The following RCOR3 variants were observed in gnomAD, a reference collection of about 807,000 sequenced individuals.
RCOR3 encodes the protein REST corepressor 3.
Under a neutral mutation model 64.1 loss-of-function variants are expected in RCOR3, and 13 were observed. That is an observed-to-expected ratio of 0.20 (90% CI 0.13 to 0.32). RCOR3 has a LOEUF of 0.32. Ranked by LOEUF, RCOR3 falls within the 10% of genes least tolerant of loss-of-function variation. The pLI is 1.00. For synonymous variants in RCOR3, 215 were observed against 239.0 expected (o/e 0.90, Z 0.93); for missense variants, 489 against 701.2 (o/e 0.70, Z 3.42).
intron 10 of RCOR3, among the ~76,000 whole-genome samples, chr1:211,311,155 C>G (rs958916255): frequency 2.0e-5 from 3 of 152,114 alleles, no homozygotes; most frequent in Admixed American, 6.5e-5. Context: ...TCAGTGGAAT[C>G]TAGTCACTAT....
At position 211,278,135 on chromosome 1, in the gene RCOR3, G is replaced by A. The variant is rs1255784018; in HGVS notation, c.535G>A (p.Ala179Thr). 4 of 1,599,598 alleles carry A rather than the reference G, an allele frequency of 2.5e-6. No individual in the cohort carries two copies. In the South Asian group the frequency reaches 4.5e-5, roughly 18 times the overall value. ...IQQMLPDKTI[A>T]SLVKYYYSWK... ...TTTTAAGCTTCCAGATAAGACAATTGCAAGCCTTGTAAAATATTACTATTC... is the reference window on the plus strand; with the variant it reads ...TTTTAAGCTTCCAGATAAGACAATTACAAGCCTTGTAAAATATTACTATTC... The change falls in exon 6 of 12, where the codon GCA becomes ACA. Residue 179 changes from alanine to threonine, a missense_variant. Transcript: ENST00000419091.
At position 211,289,399 on chromosome 1, in the gene RCOR3, A is replaced by G. The variant is rs1698962083; in HGVS notation, c.939+3A>G. On this transcript the variant is annotated splice_donor_region_variant and intron_variant, in intron 8 of 11. Transcript: ENST00000419091. ...AGTTGATCTCTCTAAAACGTCAGGT[A>G]TTTTATAAAAATAATATTTTTAATG... 2.5e-6 allele frequency: 4 copies of G among 1,603,070 alleles called. No individual in the cohort carries two copies. The highest frequency in any genetic ancestry group is 3.4e-6 in the Non-Finnish European group (4 of 1,172,940).
chr1:211,294,825 G>A (rs932978097), intron 8 of RCOR3, among the ~76,000 whole-genome samples: 9 of 151,864 alleles, frequency 5.9e-5, no homozygotes, highest in African/African-American at 1.9e-4. Flanking sequence ...TCCTGACCTC[G>A]TGATCCGCCT....
chr1:211,298,910 G>C, intron 9 of RCOR3, among the ~76,000 whole-genome samples: 1 of 152,178 alleles, frequency 6.6e-6, no homozygotes, highest in Non-Finnish European at 1.5e-5. Flanking sequence ...GGGAGGCTGA[G>C]GCAGGAGAGT....
intron 3 of RCOR3, 41 bp from the exon 4 acceptor site, chr1:211,274,169 T>G: frequency 7.5e-7 from 1 of 1,341,152 alleles, no homozygotes; most frequent in African/African-American, 1.5e-5. Context: ...GTAAATGAAG[T>G]AAATGAGAAT....
chr1:211,273,259 A>G (rs1388825413), intron 3 of RCOR3, among the ~76,000 whole-genome samples: 2 of 152,196 alleles, frequency 1.3e-5, no homozygotes, highest in Non-Finnish European at 2.9e-5. Context: ...TTATTAACTC[A>G]TTTAATCATA....
At position 211,259,676 on chromosome 1, in the gene RCOR3, G is replaced by A. The variant is rs1377550222; in HGVS notation, c.116G>A (p.Gly39Glu). The change falls in exon 1 of 12, where the codon GGG (glycine) becomes GAG (glutamate). Residue 39 changes from glycine to glutamate, a missense_variant. By Grantham distance (98) the Gly-to-Glu change is moderately conservative. Transcript: ENST00000419091. ...GGSGASSTNG[G>E]LHYSEPESGC... ...AGCGGCGCCTCGTCCACCAACGGCG[G>A]GCTGCACTACTCAGAGCCCGAGAGC... 1.9e-6 allele frequency: 3 copies of A among 1,546,030 alleles called. No individual in the cohort carries two copies. In the Admixed American group the frequency reaches 5.9e-5, roughly 31 times the overall value.
chr1:211,266,633 G>A (rs1205429434), intron 2 of RCOR3, among the ~76,000 whole-genome samples: 1 of 152,034 alleles, frequency 6.6e-6, no homozygotes, highest in Non-Finnish European at 1.5e-5. Context: ...TTGTTTTGTT[G>A]GTGAGTCAGG....
intron 2 of RCOR3, among the ~76,000 whole-genome samples, chr1:211,264,964 G>A (rs536486835): frequency 2.6e-5 from 4 of 152,170 alleles, no homozygotes; most frequent in East Asian, 1.9e-4. Context: ...ATCTAATATG[G>A]CATAATAACC....
chr1:211,314,025 AAC>A lies in RCOR3; in HGVS notation c.*259_*260del, dbSNP rs1701736769. ...GCAATGTTGATCTCATAAAAGGAAAAACAAAAGATTTAAGTATTCTATATACC... is the reference window on the plus strand; with the variant it reads ...GCAATGTTGATCTCATAAAAGGAAAAAAAAGATTTAAGTATTCTATATACC... On this transcript the variant is annotated 3_prime_UTR_variant, in exon 12 of 12. Transcript: ENST00000419091. 9.2e-6 allele frequency: 4 copies of A among 432,810 alleles called. No individual in the cohort carries two copies. The highest frequency in any genetic ancestry group is 8.0e-5 in the African/African-American group (4 of 49,964). 26.8% of individuals were successfully genotyped at this position (432,810 alleles called of 1,614,324 possible).
intron 2 of RCOR3, among the ~76,000 whole-genome samples, chr1:211,269,346 C>G (rs1482016415): frequency 6.6e-6 from 1 of 152,040 alleles, no homozygotes; most frequent in Non-Finnish European, 1.5e-5. Context: ...TCCTGTAATC[C>G]CAGCACTTTG....
chr1:211,279,131 G>A (rs1311514668), intron 6 of RCOR3, 107 bp from the exon 7 acceptor site: 1 of 657,770 alleles, frequency 1.5e-6, no homozygotes. Context: ...AGGTTGCAGT[G>A]AGCCAAGATC....
chr1:211,301,247 T>C (rs1455972523), intron 9 of RCOR3, among the ~76,000 whole-genome samples: 2 of 152,196 alleles, frequency 1.3e-5, no homozygotes, highest in African/African-American at 4.8e-5. Flanking sequence ...GAACTCCACC[T>C]GAATGTCGAA....
At position 211,289,308 on chromosome 1, in the gene RCOR3, A is replaced by G. The variant is rs1197752706; in HGVS notation, c.851A>G (p.Glu284Gly). 6.2e-7 allele frequency: 1 copy of G among 1,614,134 alleles called. No homozygotes were observed. The highest frequency in any genetic ancestry group is 8.5e-7 in the Non-Finnish European group (1 of 1,180,020). The change falls in exon 8 of 12, where the codon GAA (glutamate) becomes GGA (glycine). Residue 284 changes from glutamate to glycine, a missense_variant. Coordinates refer to ENST00000419091, the MANE Select transcript of RCOR3 (RefSeq NM_001136223.3). ...RPPKGMYLTQ[E>G]DVVAVSCSPN... Reference sequence around the variant, plus strand: ...CCTAAGGGCATGTATTTAACCCAGGAAGATGTGGTAGCAGTTTCCTGTAGT... The same window carrying G: ...CCTAAGGGCATGTATTTAACCCAGGGAGATGTGGTAGCAGTTTCCTGTAGT...
At chr1:211,290,674 C>T (rs1045583907) in intron 8 of RCOR3, among the ~76,000 whole-genome samples, 17 of 152,274 alleles carry the variant, frequency 1.1e-4, no homozygotes, top group African/African-American at 3.9e-4. Flanking sequence ...CCACGCTCGG[C>T]CTCTTGTTGA....
chr1:211,261,883 C>A (rs1571752706), intron 2 of RCOR3, among the ~76,000 whole-genome samples: 1 of 124,046 alleles, frequency 8.1e-6, no homozygotes, highest in Admixed American at 9.5e-5. Context: ...GAGATCACGC[C>A]ATTGCACTCC....
At chr1:211,291,587 C>G in intron 8 of RCOR3, 1 of 456,154 alleles carries the variant, frequency 2.2e-6, no homozygotes, top group South Asian at 1.5e-5. Context: ...CTACTATATT[C>G]TGCTTACAAA....
intron 6 of RCOR3, 69 bp downstream of exon 6, chr1:211,278,310 G>T: frequency 6.6e-7 from 1 of 1,516,046 alleles, no homozygotes; most frequent in Non-Finnish European, 9.0e-7. Flanking sequence ...ATTTCCTAAG[G>T]CAGAAAAGTT....
intron 2 of RCOR3, among the ~76,000 whole-genome samples, chr1:211,264,641 G>A (rs1694890039): frequency 6.6e-6 from 1 of 151,870 alleles, no homozygotes; most frequent in Admixed American, 6.6e-5. Context: ...CTATGATGGC[G>A]CCACTGTACT....
Sources: allele counts gnomAD v4.1 joint callset (sites outside exome capture counted in the v4.1 genomes callset), GRCh38; gene constraint gnomAD v4.1.1; transcripts MANE v1.5; gene names NCBI Gene and HGNC (gene_info 2026-07-23, HGNC 2026-07-21).